Variants in DPP10 observed in about 807,000 individuals in gnomAD.
The protein encoded by DPP10 is inactive dipeptidyl peptidase 10.
DPP10 carries 33 observed loss-of-function variants against 120.9 expected under a neutral mutation model. The observed-to-expected ratio is 0.27, with a 90% confidence interval of 0.21 to 0.37. The LOEUF (loss-of-function observed/expected upper bound fraction) is 0.37, where lower values mean the gene tolerates loss of function less well. DPP10 is among the 10% of genes least tolerant of loss of function. DPP10 has a pLI of 1.00. For missense variants in DPP10, 816 were observed against 942.8 expected (o/e 0.87, Z 1.76); for synonymous variants, 337 against 326.1 (o/e 1.03, Z -0.36).
intron 3 of DPP10, among the ~76,000 whole-genome samples, chr2:115,391,613 T>C (rs2067321155): frequency 6.6e-6 from 1 of 152,030 alleles, no homozygotes; most frequent in African/African-American, 2.4e-5. Flanking sequence ...CCAATATCCA[T>C]AACATAAATA....
intron 3 of DPP10, among the ~76,000 whole-genome samples, chr2:115,436,130 T>C (rs1416737713): frequency 6.6e-6 from 1 of 151,862 alleles, no homozygotes; most frequent in Non-Finnish European, 1.5e-5. Context: ...TTCAGAGATA[T>C]CAATAAAAGT....
intron 1 of DPP10, among the ~76,000 whole-genome samples, chr2:114,858,255 C>CT (rs1689526173): frequency 6.6e-6 from 1 of 152,196 alleles, no homozygotes; most frequent in Non-Finnish European, 1.5e-5. Flanking sequence ...TCCCAAAGTG[C>CT]TGGGATTACA....
At chr2:115,711,229 T>C (rs1315623311) in intron 7 of DPP10, among the ~76,000 whole-genome samples, 1 of 152,154 alleles carries the variant, frequency 6.6e-6, no homozygotes, top group Non-Finnish European at 1.5e-5. Context: ...TTGAAAGTTA[T>C]ATACATTAAT....
intron 1 of DPP10, among the ~76,000 whole-genome samples, chr2:115,308,226 A>G (rs183173078): frequency 5.8e-4 from 88 of 152,212 alleles, no homozygotes; most frequent in Admixed American, 2.4e-3. Context: ...TTCTGTTTAT[A>G]TTTGTTGACA....
chr2:115,645,690 G>A (rs1422413633), intron 5 of DPP10, among the ~76,000 whole-genome samples: 2 of 152,050 alleles, frequency 1.3e-5, no homozygotes, highest in Non-Finnish European at 2.9e-5. Flanking sequence ...AATATAGAAA[G>A]TAAACAAAAC....
intron 3 of DPP10, among the ~76,000 whole-genome samples, chr2:115,463,915 G>A (rs1191124647): frequency 6.6e-6 from 1 of 152,080 alleles, no homozygotes; most frequent in African/African-American, 2.4e-5. Flanking sequence ...TGCAGTTGCT[G>A]GTCTCTCTGT....
At chr2:115,715,273 C>A (rs569562257) in intron 7 of DPP10, among the ~76,000 whole-genome samples, 1 of 115,946 alleles carries the variant, frequency 8.6e-6, no homozygotes, top group Non-Finnish European at 1.6e-5. Flanking sequence ...CAGGAGGTGG[C>A]GGTTGCAATG....
chr2:114,475,467 T>A (rs1573435410), intron 1 of DPP10, among the ~76,000 whole-genome samples: 1 of 152,200 alleles, frequency 6.6e-6, no homozygotes, highest in Middle Eastern at 3.4e-3. Flanking sequence ...TTTAGACTGG[T>A]TTTCTCTCTC....
intron 1 of DPP10, among the ~76,000 whole-genome samples, chr2:114,888,831 G>A (rs963713735): frequency 2.0e-5 from 3 of 152,180 alleles, no homozygotes; most frequent in African/African-American, 7.2e-5. Context: ...TAACTTGGCT[G>A]AGAACTCTTC....
At chr2:114,641,343 G>T (rs530120348) in intron 1 of DPP10, among the ~76,000 whole-genome samples, 150 of 151,848 alleles carry the variant, frequency 9.9e-4, no homozygotes, top group Non-Finnish European at 1.9e-3. Flanking sequence ...CATATTCGTG[G>T]CTAGCAGTGT....
chr2:115,789,112 C>T (rs899110253), intron 17 of DPP10, among the ~76,000 whole-genome samples: 3 of 150,688 alleles, frequency 2.0e-5, no homozygotes, highest in South Asian at 2.1e-4. Context: ...AATGAGACTC[C>T]GTCTCAAAAA....
chr2:115,002,025 A>C (rs1341113508), intron 1 of DPP10, among the ~76,000 whole-genome samples: 1 of 152,224 alleles, frequency 6.6e-6, no homozygotes, highest in Admixed American at 6.5e-5. Context: ...AGAATTAGAC[A>C]AAACTATTTT....
chr2:114,728,869 G>A (rs768922289), intron 1 of DPP10, among the ~76,000 whole-genome samples: 10 of 152,162 alleles, frequency 6.6e-5, no homozygotes, highest in Non-Finnish European at 1.5e-4. Context: ...ACAAAGAAAT[G>A]CTTTAAAAGG....
At chr2:115,465,151 ATTAC>A (rs770514538) in intron 3 of DPP10, among the ~76,000 whole-genome samples, 75 of 152,260 alleles carry the variant, frequency 4.9e-4, no homozygotes, top group Non-Finnish European at 9.4e-4. Flanking sequence ...TATTTTTCCT[ATTAC>A]TTATATAGGT....
intron 3 of DPP10, among the ~76,000 whole-genome samples, chr2:115,424,839 G>A (rs1244050897): frequency 2.0e-5 from 3 of 152,124 alleles, no homozygotes; most frequent in Non-Finnish European, 2.9e-5. Flanking sequence ...TTATTCCTAA[G>A]ATCAATTTAA....
At chr2:115,010,260 G>A (rs1702166160) in intron 1 of DPP10, among the ~76,000 whole-genome samples, 1 of 152,166 alleles carries the variant, frequency 6.6e-6, no homozygotes, top group Non-Finnish European at 1.5e-5. Flanking sequence ...CAGGAAGTCA[G>A]GGAGATGGAG....
At chr2:115,573,234 C>T (rs2081441224) in intron 5 of DPP10, among the ~76,000 whole-genome samples, 1 of 151,516 alleles carries the variant, frequency 6.6e-6, no homozygotes, top group African/African-American at 2.4e-5. Flanking sequence ...AAGTACTAGC[C>T]CTGCAGGACA....
At chr2:114,723,784 G>A (rs1701863773) in intron 1 of DPP10, among the ~76,000 whole-genome samples, 1 of 151,886 alleles carries the variant, frequency 6.6e-6, no homozygotes, top group African/African-American at 2.4e-5. Flanking sequence ...AAAACTCTCA[G>A]AAATTTTAAT....
chr2:115,229,537 T>C (rs1358176231), intron 1 of DPP10, among the ~76,000 whole-genome samples: 1 of 152,156 alleles, frequency 6.6e-6, no homozygotes, highest in Non-Finnish European at 1.5e-5. Flanking sequence ...TTTAGTCTTT[T>C]ATCCATGTTT....
Sources: gnomAD v4.1 joint callset for allele counts (sites outside exome capture counted in the v4.1 genomes callset) on GRCh38, gnomAD v4.1.1 for gene constraint, MANE v1.5 for transcripts, NCBI Gene and HGNC (gene_info 2026-07-23, HGNC 2026-07-21) for gene names.